Variants in RPS27L observed in about 807,000 individuals in gnomAD.
RPS27L encodes ribosomal protein eS27-like.
Under a neutral mutation model 12.8 loss-of-function variants are expected in RPS27L, and 10 were observed. The ratio of observed to expected loss-of-function variants is 0.78; its 90% CI spans 0.48 to 1.33. The LOEUF is 1.33. Among genes scored for constraint, RPS27L ranks in the 40% most tolerant of loss-of-function variants. The probability of loss-of-function intolerance (pLI) is 0.00; values close to 1 mark genes in which losing one functional copy is unlikely to be tolerated. For missense variants in RPS27L, 81 were observed against 97.4 expected (o/e 0.83, Z 0.71); for synonymous variants, 26 against 32.3 (o/e 0.81, Z 0.66).
chr15:63,152,441 AAG>A lies in RPS27L; in HGVS notation c.*1589_*1590del. 6.6e-6 allele frequency: 1 copy of A among 151,750 alleles called. No homozygotes were observed. The highest frequency in any genetic ancestry group is 1.9e-4 in the East Asian group (1 of 5,184). The allele number at this position is 151,750 out of a possible 1,614,324, so 9.4% of individuals were successfully genotyped here. A position where few individuals can be genotyped will look rare whatever the true frequency, so the allele number is the denominator to read the frequency against. ...AGATTCTAATGATGTCAGAAACTAA[AAG>A]TCTGAGAATCTCTGGGTCATCTACA... On this transcript the variant is annotated 3_prime_UTR_variant, in exon 4 of 4. Coordinates refer to ENST00000330964, the MANE Select transcript of RPS27L (RefSeq NM_015920.4).
intron 1 of RPS27L, 101 bp downstream of exon 1, chr15:63,157,299 T>C: frequency 3.0e-6 from 4 of 1,341,882 alleles, no homozygotes; most frequent in South Asian, 1.2e-5. Flanking sequence ...CTCGCCACTC[T>C]CGGACACTAC....
chr15:63,154,232 A>G (rs1469120599), intron 3 of RPS27L, 172 bp from the exon 4 acceptor site: 2 of 582,452 alleles, frequency 3.4e-6, no homozygotes, highest in African/African-American at 1.9e-5. Context: ...TACATCTATC[A>G]TATCTGAGTT....
chr15:63,156,338 C>A, intron 2 of RPS27L, 75 bp downstream of exon 2: 1 of 742,218 alleles, frequency 1.3e-6, no homozygotes. Context: ...TCTAATGTAT[C>A]TTAACTATAC....
rs1451063487 is a variant in RPS27L, at chr15:63,152,846, G to C, written c.*1186C>G. 6.6e-6 allele frequency: 1 copy of C among 152,094 alleles called. No individual in the cohort carries two copies. The highest frequency in any genetic ancestry group is 2.4e-5 in the African/African-American group (1 of 41,398). The allele number at this position is 152,094 out of a possible 1,614,324, so 9.4% of individuals were successfully genotyped here. On this transcript the variant is annotated 3_prime_UTR_variant, in exon 4 of 4. Coordinates refer to ENST00000330964, the MANE Select transcript of RPS27L (RefSeq NM_015920.4). ...AACTTGCCATCATTCTTTAGTTCTT[G>C]TGCAACAGTTCTCTGATTTAAGCAG...
intron 3 of RPS27L, 105 bp from the exon 4 acceptor site, chr15:63,154,165 T>C: frequency 1.1e-6 from 1 of 889,572 alleles, no homozygotes; most frequent in South Asian, 1.4e-5. Context: ...TTTAAGAATA[T>C]TGGATTAATA....
Position 63,152,491 on chromosome 15 carries a change from T to G in RPS27L, c.*1541A>C, listed in dbSNP as rs1026714387. ...ACATATATATGTATATATATATATTTTTTTTTTCTTTTTTTTTTTGAGACG... is the reference window on the plus strand; with the variant it reads ...ACATATATATGTATATATATATATTGTTTTTTTCTTTTTTTTTTTGAGACG... On this transcript the variant is annotated 3_prime_UTR_variant, in exon 4 of 4. Coordinates refer to ENST00000330964, the MANE Select transcript of RPS27L (RefSeq NM_015920.4). The G allele has an allele frequency of 7.0e-6, 1 of 142,900 alleles. No individual in the cohort carries two copies. The highest frequency in any genetic ancestry group is 1.5e-5 in the Non-Finnish European group (1 of 66,530). The allele number at this position is 142,900 out of a possible 1,614,324, so 8.9% of individuals were successfully genotyped here. A position where few individuals can be genotyped will look rare whatever the true frequency, so the allele number is the denominator to read the frequency against.
At position 63,154,065 on chromosome 15, in the gene RPS27L, A is replaced by G. The variant is rs367824595; in HGVS notation, c.227-5T>C. On this transcript the variant is annotated splice_region_variant and splice_polypyrimidine_tract_variant and intron_variant, in intron 3 of 3. Transcript: ENST00000330964. ...GCTTTCTTCTAAATGAACACCCTGC[A>G]AAAGAATCATGAGAGTATATTAAAC... is the stretch of plus-strand genomic sequence containing the variant. 30 of 1,606,402 alleles carry G rather than the reference A, an allele frequency of 1.9e-5. No individual in the cohort carries two copies. Among genetic ancestry groups the G allele is most frequent in the Non-Finnish European group, 2.1e-5 (25 of 1,173,984 alleles).
Position 63,157,417 on chromosome 15 carries a change from TGCAAGCTCA to T in RPS27L, c.-21_-13del. The T allele has an allele frequency of 6.2e-7, 1 of 1,614,060 alleles. No homozygotes were observed. Among genetic ancestry groups the T allele is most frequent in the Non-Finnish European group, 8.5e-7 (1 of 1,179,968 alleles). ...CAACTCACAGGCATGTTGATCCTCT[TGCAAGCTCA>T]GCCCTACCAGACCTCCCAGCCCACA... On this transcript the variant is annotated 5_prime_UTR_variant, in exon 1 of 4. Transcript: ENST00000330964.
At position 63,148,409 on chromosome 15, in the gene RPS27L, G is replaced by C. The variant is rs1476045156; in HGVS notation, c.*5623C>G. On this transcript the variant is annotated 3_prime_UTR_variant, in exon 4 of 4. Transcript: ENST00000330964. ...ATACAAAGACAAGATAAAGAACATAGAGTCATAATCTTACACAACCCCTCT... is the reference window on the plus strand; with the variant it reads ...ATACAAAGACAAGATAAAGAACATACAGTCATAATCTTACACAACCCCTCT... 6.6e-6 allele frequency: 1 copy of C among 151,700 alleles called. No homozygotes were observed. The highest frequency in any genetic ancestry group is 1.5e-5 in the Non-Finnish European group (1 of 68,018). 9.4% of individuals were successfully genotyped at this position (151,700 alleles called of 1,614,324 possible).
At position 63,152,459 on chromosome 15, in the gene RPS27L, G is replaced by A. The variant is rs1013464884; in HGVS notation, c.*1573C>T. 1 of 150,288 alleles carries A rather than the reference G, an allele frequency of 6.7e-6. No individual in the cohort carries two copies. Among genetic ancestry groups the A allele is most frequent in the African/African-American group, 2.4e-5 (1 of 40,890 alleles). 9.3% of individuals were successfully genotyped at this position (150,288 alleles called of 1,614,324 possible). A position where few individuals can be genotyped will look rare whatever the true frequency, so the allele number is the denominator to read the frequency against. ...AAACTAAAAGTCTGAGAATCTCTGG[G>A]TCATCTACATATATATGTATATATA... On this transcript the variant is annotated 3_prime_UTR_variant, in exon 4 of 4. Transcript: ENST00000330964.
At position 63,152,311 on chromosome 15, in the gene RPS27L, GTA is replaced by G. The variant is rs1366087372; in HGVS notation, c.*1719_*1720del. 1 of 152,000 alleles carries G rather than the reference GTA, an allele frequency of 6.6e-6. No homozygotes were observed. Among genetic ancestry groups the G allele is most frequent in the Non-Finnish European group, 1.5e-5 (1 of 68,010 alleles). 9.4% of individuals were successfully genotyped at this position (152,000 alleles called of 1,614,324 possible). On this transcript the variant is annotated 3_prime_UTR_variant, in exon 4 of 4. Transcript: ENST00000330964. ...TCACATCACTTTTGCTCTTGTGTGTGTATAGTTTTTTTCAAATGGCTACTAGA... is the reference window on the plus strand; with the variant it reads ...TCACATCACTTTTGCTCTTGTGTGTGTAGTTTTTTTCAAATGGCTACTAGA...
chr15:63,157,321 G>A (rs2037339551), intron 1 of RPS27L, 79 bp downstream of exon 1: 1 of 1,498,232 alleles, frequency 6.7e-7, no homozygotes, highest in Middle Eastern at 1.7e-4. Context: ...GGCCCGAGAG[G>A]CAGCCGGACT....
chr15:63,156,920 T>C (rs757536387), intron 1 of RPS27L: 5 of 385,530 alleles, frequency 1.3e-5, no homozygotes, highest in Admixed American at 4.4e-5. Context: ...TGGGTGATTT[T>C]TGCTCCTGTG....
chr15:63,149,790 T>A lies in RPS27L; in HGVS notation c.*4242A>T, dbSNP rs1381357992. 1 of 152,052 alleles carries A rather than the reference T, an allele frequency of 6.6e-6. No homozygotes were observed. The allele number at this position is 152,052 out of a possible 1,614,324, so 9.4% of individuals were successfully genotyped here. On this transcript the variant is annotated 3_prime_UTR_variant, in exon 4 of 4. Coordinates refer to ENST00000330964, the MANE Select transcript of RPS27L (RefSeq NM_015920.4). ...CAGATGTCATTAAGAATACTTTATT[T>A]GGCCGGATGCAGTGGCTCACACCTG...
chr15:63,155,295 AAAAT>A, intron 3 of RPS27L: 1 of 215,644 alleles, frequency 4.6e-6, no homozygotes. Flanking sequence ...ATAAAAAAAA[AAAAT>A]AATAAATAAA....
At position 63,153,634 on chromosome 15, in the gene RPS27L, A is replaced by G. The variant is rs753976300; in HGVS notation, c.*398T>C. On this transcript the variant is annotated 3_prime_UTR_variant, in exon 4 of 4. Coordinates refer to ENST00000330964, the MANE Select transcript of RPS27L (RefSeq NM_015920.4). ...CAGCTACTTGGGAGGACAAGGCAAG[A>G]GAATTGCTTGGACCTGGGAGGCGGA... 1 of 164,036 alleles carries G rather than the reference A, an allele frequency of 6.1e-6. No homozygotes were observed. The highest frequency in any genetic ancestry group is 2.4e-5 in the African/African-American group (1 of 41,722). The allele number at this position is 164,036 out of a possible 1,614,324, so 10.2% of individuals were successfully genotyped here.
At position 63,148,260 on chromosome 15, in the gene RPS27L, G is replaced by A. The variant is rs894290315; in HGVS notation, c.*5772C>T. 4.3e-4 allele frequency: 65 copies of A among 150,626 alleles called. No individual in the cohort carries two copies. Among genetic ancestry groups the A allele is most frequent in the African/African-American group, 1.4e-3 (59 of 41,050 alleles). The allele number at this position is 150,626 out of a possible 1,614,324, so 9.3% of individuals were successfully genotyped here. A position where few individuals can be genotyped will look rare whatever the true frequency, so the allele number is the denominator to read the frequency against. On this transcript the variant is annotated 3_prime_UTR_variant, in exon 4 of 4. Coordinates refer to ENST00000330964, the MANE Select transcript of RPS27L (RefSeq NM_015920.4). ...CAATCCAATAAAAGTCATATTTAAT[G>A]GCATGCAATTTTATTGATGCAGTCT... is the stretch of plus-strand genomic sequence containing the variant.
Position 63,154,080 on chromosome 15 carries a change from G to A in RPS27L, c.227-20C>T. The stretch of plus-strand genomic sequence containing the variant: ...AACACCCTGCAAAAGAATCATGAGA[G>A]TATATTAAACAAGTGCATTCTACCT... On this transcript the variant is annotated intron_variant, in intron 3 of 3. Coordinates refer to ENST00000330964, the MANE Select transcript of RPS27L (RefSeq NM_015920.4). 6.3e-7 allele frequency: 1 copy of A among 1,596,222 alleles called. No individual in the cohort carries two copies. The highest frequency in any genetic ancestry group is 8.6e-7 in the Non-Finnish European group (1 of 1,165,644).
At chr15:63,155,021 G>C (rs892962237) in intron 3 of RPS27L, 2 of 152,124 alleles carry the variant, frequency 1.3e-5, no homozygotes, top group African/African-American at 4.8e-5. Flanking sequence ...CGGCGAGGTG[G>C]CTCATGCCTG....
Sources: gnomAD v4.1 joint callset for allele counts on GRCh38, gnomAD v4.1.1 for gene constraint, MANE v1.5 for transcripts, NCBI Gene and HGNC (gene_info 2026-07-23, HGNC 2026-07-21) for gene names.